Variants in DLC1 observed in about 807,000 individuals in gnomAD.
DLC1 encodes rho GTPase-activating protein 7.
In DLC1, 54 loss-of-function variants were observed where a neutral mutation model predicts 140.3. The ratio of observed to expected loss-of-function variants is 0.38; its 90% CI spans 0.31 to 0.48. The LOEUF (loss-of-function observed/expected upper bound fraction) is 0.48, where lower values mean the gene tolerates loss of function less well. DLC1 is among the 20% of genes least tolerant of loss of function. The pLI is 0.96. For missense variants in DLC1, 2,536 were observed against 1,907.0 expected (o/e 1.33, Z -6.14); for synonymous variants, 986 against 728.1 (o/e 1.35, Z -5.70).
intron 5 of DLC1, among the ~76,000 whole-genome samples, chr8:13,212,528 G>T (rs1405409324): frequency 6.6e-6 from 1 of 151,902 alleles, no homozygotes; most frequent in African/African-American, 2.4e-5. Flanking sequence ...TGGTTTATAC[G>T]GTTTTGGTAT....
intron 2 of DLC1, among the ~76,000 whole-genome samples, chr8:13,486,619 G>A (rs1177298096): frequency 1.3e-5 from 2 of 152,014 alleles, no homozygotes; most frequent in African/African-American, 4.8e-5. Flanking sequence ...TTTTATTTTA[G>A]TTCAAATGAA....
upstream of DLC1, among the ~76,000 whole-genome samples, chr8:13,518,425 A>G (rs1193699990): frequency 1.3e-5 from 2 of 152,160 alleles, no homozygotes; most frequent in Admixed American, 6.5e-5. Context: ...TCTCTTTTCT[A>G]CTTAGGTACT....
At chr8:13,408,390 C>G (rs113874262) in intron 2 of DLC1, among the ~76,000 whole-genome samples, 2,178 of 152,272 alleles carry the variant, frequency 0.014, 32 homozygotes, top group South Asian at 0.045. Context: ...TCTGCTTCTA[C>G]TTATTAAGAC....
intron 2 of DLC1, among the ~76,000 whole-genome samples, chr8:13,492,998 A>G (rs1043241070): frequency 2.0e-5 from 3 of 152,236 alleles, no homozygotes; most frequent in African/African-American, 7.2e-5. Context: ...CTGGGACACA[A>G]AACTCACTAA....
At chr8:13,333,548 C>T (rs576203967) in intron 4 of DLC1, among the ~76,000 whole-genome samples, 12 of 152,096 alleles carry the variant, frequency 7.9e-5, no homozygotes, top group Admixed American at 7.9e-4. Flanking sequence ...TCATGGCTGG[C>T]AAAAATAAAC....
chr8:13,563,964 C>G (rs1804335616), intron 1 of DLC1, among the ~76,000 whole-genome samples: 2 of 151,866 alleles, frequency 1.3e-5, no homozygotes, highest in African/African-American at 4.8e-5. Flanking sequence ...TTAAGAAATT[C>G]AAGAAAAATA....
chr8:13,177,146 A>G (rs747587812), intron 5 of DLC1, among the ~76,000 whole-genome samples: 3 of 152,206 alleles, frequency 2.0e-5, no homozygotes, highest in Non-Finnish European at 4.4e-5. Context: ...AACAGAACCA[A>G]ATATTATGGG....
At chr8:13,167,439 C>T (rs112736257) in intron 5 of DLC1, among the ~76,000 whole-genome samples, 107 of 152,234 alleles carry the variant, frequency 7.0e-4, no homozygotes, top group African/African-American at 2.1e-3. Context: ...TAGCCGAGGT[C>T]CTTTCCCTCA....
chr8:13,228,425 T>G (rs1041409938), intron 5 of DLC1, among the ~76,000 whole-genome samples: 1 of 152,028 alleles, frequency 6.6e-6, no homozygotes, highest in African/African-American at 2.4e-5. Context: ...CATAACTCAA[T>G]TATAAAAAGA....
At chr8:13,387,416 G>C (rs972882782) in intron 4 of DLC1, among the ~76,000 whole-genome samples, 3 of 151,722 alleles carry the variant, frequency 2.0e-5, no homozygotes, top group African/African-American at 7.3e-5. Context: ...ACAAAATAAA[G>C]CTATCACTAA....
chr8:13,139,403 A>G (rs569507909), intron 5 of DLC1, among the ~76,000 whole-genome samples: 6 of 152,140 alleles, frequency 3.9e-5, no homozygotes, highest in Admixed American at 3.3e-4. Flanking sequence ...TTAAACCCCA[A>G]CTATGAACCA....
intron 1 of DLC1, chr8:13,583,788 A>C (rs953749839): frequency 6.6e-6 from 1 of 152,336 alleles, no homozygotes; most frequent in African/African-American, 2.4e-5. Flanking sequence ...ACTGTGCTCA[A>C]TGCCTGAGGC....
intron 2 of DLC1, among the ~76,000 whole-genome samples, chr8:13,411,860 A>C (rs1489814085): frequency 6.6e-6 from 1 of 151,874 alleles, no homozygotes; most frequent in Admixed American, 6.6e-5. Flanking sequence ...CCCTCTTCAC[A>C]TTTTTTTTAG....
intron 1 of DLC1, chr8:13,566,895 A>C: frequency 7.1e-7 from 1 of 1,413,504 alleles, no homozygotes; most frequent in Non-Finnish European, 9.4e-7. Flanking sequence ...AGCTGATGGC[A>C]TTGAGATCCA....
At chr8:13,312,419 A>G (rs913148754) in intron 4 of DLC1, among the ~76,000 whole-genome samples, 2 of 150,434 alleles carry the variant, frequency 1.3e-5, no homozygotes, top group East Asian at 3.9e-4. Flanking sequence ...ATAAACAGAA[A>G]GAGCCCCATG....
At chr8:13,330,849 A>G (rs1833556096) in intron 4 of DLC1, among the ~76,000 whole-genome samples, 1 of 152,230 alleles carries the variant, frequency 6.6e-6, no homozygotes, top group African/African-American at 2.4e-5. Flanking sequence ...CTTTCCTTAC[A>G]AGGCTCATTT....
At chr8:13,593,039 A>C (rs1335951079) in intron 1 of DLC1, among the ~76,000 whole-genome samples, 1 of 152,046 alleles carries the variant, frequency 6.6e-6, no homozygotes, top group East Asian at 1.9e-4. Context: ...TGGCGTATGA[A>C]TAAGATATTA....
intron 1 of DLC1, among the ~76,000 whole-genome samples, chr8:13,522,643 C>A (rs1467707010): frequency 1.3e-5 from 2 of 151,394 alleles, no homozygotes; most frequent in African/African-American, 4.9e-5. Flanking sequence ...AATAAATAAA[C>A]AAATAAATAA....
Position 13,476,801 on chromosome 8 carries a change from A to G in DLC1, c.1023+22248T>C, listed in dbSNP as rs1466057576. On this transcript the variant is annotated intron_variant, in intron 2 of 17. Transcript: ENST00000276297. The stretch of plus-strand genomic sequence containing the variant: ...ACTGAATTAATGAATTAGTGATTGA[A>G]TTAACACATGTACATATTTATGCAA... 2.0e-5 allele frequency among the ~76,000 whole-genome samples: 3 copies of G among 152,254 alleles called. No homozygotes were observed. In the East Asian group the frequency reaches 5.8e-4, roughly 29 times the overall value.
Sources: allele counts gnomAD v4.1 joint callset (sites outside exome capture counted in the v4.1 genomes callset), GRCh38; gene constraint gnomAD v4.1.1; transcripts MANE v1.5; gene names NCBI Gene and HGNC (gene_info 2026-07-23, HGNC 2026-07-21).